The following ROBO2 variants were observed in gnomAD, a reference collection of about 807,000 sequenced individuals.
ROBO2 encodes the protein roundabout homolog 2.
A neutral mutation model predicts 160.8 loss-of-function variants in ROBO2; 53 were observed. That is an observed-to-expected ratio of 0.33 (90% CI 0.26 to 0.41). The LOEUF is 0.41. Among genes scored for constraint, ROBO2 ranks in the 10% least tolerant of loss-of-function variants. The probability of loss-of-function intolerance (pLI) is 1.00; values close to 1 mark genes in which losing one functional copy is unlikely to be tolerated. For synonymous variants in ROBO2, 664 were observed against 611.7 expected, an observed-to-expected ratio of 1.09 and a Z score of -1.26; for missense variants, 1,577 against 1,722.4, an observed-to-expected ratio of 0.92 and a Z score of 1.49.
In ROBO2 at chr3:76,284,034, A is replaced by G. The variant is rs761556301; in HGVS notation, c.109+346432A>G. 5.9e-4 allele frequency among the ~76,000 whole-genome samples: 90 copies of G among 152,088 alleles called. 1 individual carries two copies. Among genetic ancestry groups the G allele is most frequent in the Admixed American group, 3.1e-3 (47 of 15,226 alleles). ...AGCCTAGAACCAAATAAATGACCCT[A>G]CCATTCTAATTGCAGTGGCTTCATT... is the stretch of plus-strand genomic sequence containing the variant. On this transcript the variant is annotated intron_variant, in intron 2 of 26. Transcript: ENST00000487694.
chr3:76,292,401 G>A (rs934169141), intron 2 of ROBO2, among the ~76,000 whole-genome samples: 22 of 152,146 alleles, frequency 1.4e-4, no homozygotes, highest in Admixed American at 1.2e-3. Flanking sequence ...TAAAGAAACA[G>A]TCCAAGTAAG....
intron 2 of ROBO2, among the ~76,000 whole-genome samples, chr3:76,941,443 C>T (rs2078180411): frequency 6.6e-6 from 1 of 152,096 alleles, no homozygotes; most frequent in Non-Finnish European, 1.5e-5. Context: ...GGTCCTTCAC[C>T]CTCTGACCCT....
chr3:77,329,053 A>G (rs1398806737), intron 2 of ROBO2, among the ~76,000 whole-genome samples: 1 of 152,108 alleles, frequency 6.6e-6, no homozygotes, highest in East Asian at 1.9e-4. Flanking sequence ...TGATGTGTTG[A>G]TCCAAGTCTC....
chr3:76,273,442 G>A (rs1027127087), intron 2 of ROBO2, among the ~76,000 whole-genome samples: 1 of 151,996 alleles, frequency 6.6e-6, no homozygotes. Flanking sequence ...CTGCTATAAA[G>A]AACTGCCCGA....
At chr3:76,877,027 C>G (rs1179383806) in intron 2 of ROBO2, among the ~76,000 whole-genome samples, 5 of 151,626 alleles carry the variant, frequency 3.3e-5, no homozygotes, top group Non-Finnish European at 2.9e-5. Context: ...TTTTACAAGT[C>G]CTAGGTAAAA....
chr3:77,181,769 A>G (rs929667212), intron 2 of ROBO2, among the ~76,000 whole-genome samples: 2 of 152,100 alleles, frequency 1.3e-5, no homozygotes, highest in African/African-American at 4.8e-5. Flanking sequence ...TTATTTTAGT[A>G]TATGTAAATT....
chr3:76,248,390 A>G (rs943270569), intron 2 of ROBO2, among the ~76,000 whole-genome samples: 1 of 151,488 alleles, frequency 6.6e-6, no homozygotes, highest in Non-Finnish European at 1.5e-5. Context: ...CTATCGCAAG[A>G]ACAAAAAACC....
At chr3:76,153,249 A>T (rs970073414) in intron 2 of ROBO2, among the ~76,000 whole-genome samples, 1 of 152,134 alleles carries the variant, frequency 6.6e-6, no homozygotes, top group South Asian at 2.1e-4. Flanking sequence ...CATCCCAGAG[A>T]GTTTAAATAA....
chr3:76,463,394 A>G (rs1056279039), intron 2 of ROBO2, among the ~76,000 whole-genome samples: 48 of 152,246 alleles, frequency 3.2e-4, no homozygotes, highest in African/African-American at 1.1e-3. Flanking sequence ...AAAATAAAAA[A>G]AACTATAATT....
At chr3:77,227,957 C>A (rs2086686522) in intron 2 of ROBO2, among the ~76,000 whole-genome samples, 1 of 152,118 alleles carries the variant, frequency 6.6e-6, no homozygotes, top group Non-Finnish European at 1.5e-5. Context: ...ACAAATATTG[C>A]AGATGTTTAT....
At chr3:76,745,255 G>T (rs1002045005) in intron 2 of ROBO2, among the ~76,000 whole-genome samples, 3 of 152,010 alleles carry the variant, frequency 2.0e-5, no homozygotes, top group Admixed American at 6.6e-5. Context: ...GTATAAAATA[G>T]TTACTGAAAA....
At chr3:77,589,562 A>C (rs9309774) in intron 17 of ROBO2, among the ~76,000 whole-genome samples, 90,033 of 151,814 alleles carry the variant, frequency 0.59, 26,790 homozygotes, top group Middle Eastern at 0.71. Context: ...CAGAACAATA[A>C]AAAGAAGACC....
chr3:77,047,862 C>T (rs4074166), intron 1 of ROBO2, among the ~76,000 whole-genome samples: 74,676 of 151,180 alleles, frequency 0.49, 22,044 homozygotes, highest in Non-Finnish European at 0.67. Flanking sequence ...GCTAATACGG[C>T]GAAACCCTGT....
intron 2 of ROBO2, among the ~76,000 whole-genome samples, chr3:77,451,544 C>T (rs968759595): frequency 2.6e-5 from 4 of 152,024 alleles, no homozygotes; most frequent in African/African-American, 9.7e-5. Flanking sequence ...TAGCTCAGTG[C>T]TTGCCCAAAG....
chr3:77,344,010 A>G (rs1409565161), intron 2 of ROBO2, among the ~76,000 whole-genome samples: 3 of 152,184 alleles, frequency 2.0e-5, no homozygotes, highest in East Asian at 3.9e-4. Flanking sequence ...TCTTGAGCCA[A>G]TTTTCAAAGG....
intron 1 of ROBO2, among the ~76,000 whole-genome samples, chr3:77,064,446 C>T (rs1242049699): frequency 2.0e-5 from 3 of 149,338 alleles, no homozygotes; most frequent in East Asian, 3.9e-4. Flanking sequence ...CTGAAACATC[C>T]GCCTCCCAGG....
intron 2 of ROBO2, among the ~76,000 whole-genome samples, chr3:76,393,145 A>G (rs190588259): frequency 2.0e-5 from 3 of 152,146 alleles, no homozygotes; most frequent in Admixed American, 6.5e-5. Context: ...TATTGCAATC[A>G]TCATGGGAGC....
intron 21 of ROBO2, among the ~76,000 whole-genome samples, chr3:77,615,405 AT>A (rs2153701454): frequency 6.6e-6 from 1 of 152,278 alleles, no homozygotes; most frequent in African/African-American, 2.4e-5. Flanking sequence ...CAGTCTATGG[AT>A]TTGGACAAAT....
At chr3:76,679,599 G>T (rs893703304) in intron 2 of ROBO2, among the ~76,000 whole-genome samples, 2 of 152,018 alleles carry the variant, frequency 1.3e-5, no homozygotes, top group Admixed American at 6.6e-5. Context: ...TTTTTCCTTA[G>T]GAAACTTACC....
Sources: gnomAD v4.1 joint callset for allele counts (sites outside exome capture counted in the v4.1 genomes callset) on GRCh38, gnomAD v4.1.1 for gene constraint, MANE v1.5 for transcripts, NCBI Gene and HGNC (gene_info 2026-07-23, HGNC 2026-07-21) for gene names.